The following CDH4 variants were observed in gnomAD, a reference collection of about 807,000 sequenced individuals.
The protein encoded by CDH4 is cadherin-4.
In CDH4, 33 loss-of-function variants were observed where a neutral mutation model predicts 86.0. The observed-to-expected ratio is 0.38, with a 90% CI of 0.29 to 0.51. The LOEUF (loss-of-function observed/expected upper bound fraction) is 0.51, where lower values mean the gene tolerates loss of function less well. Among genes scored for constraint, CDH4 ranks in the 20% least tolerant of loss-of-function variants. The pLI, the probability that CDH4 is intolerant of heterozygous loss-of-function variation, is 0.86. For synonymous variants in CDH4, 555 were observed against 549.4 expected (o/e 1.01, Z -0.14); for missense variants, 1,114 against 1,307.4 (o/e 0.85, Z 2.28).
chr20:61,587,623 T>A (rs886325381), intron 2 of CDH4, among the ~76,000 whole-genome samples: 4 of 151,978 alleles, frequency 2.6e-5, no homozygotes, highest in Non-Finnish European at 5.9e-5. Flanking sequence ...GCTGACCCCA[T>A]AACCAGCTGG....
At chr20:61,473,496 T>C (rs2085517643) in intron 2 of CDH4, among the ~76,000 whole-genome samples, 1 of 152,174 alleles carries the variant, frequency 6.6e-6, no homozygotes, top group Non-Finnish European at 1.5e-5. Context: ...AGCACATTGT[T>C]TTCTCCAATG....
chr20:61,573,737 C>A (rs2086362529), intron 2 of CDH4, among the ~76,000 whole-genome samples: 1 of 152,170 alleles, frequency 6.6e-6, no homozygotes, highest in Admixed American at 6.5e-5. Context: ...GGGCAACAGC[C>A]GATGTGCTCT....
chr20:61,760,735 C>T (rs553040879), intron 3 of CDH4, among the ~76,000 whole-genome samples: 76 of 152,336 alleles, frequency 5.0e-4, no homozygotes, highest in Middle Eastern at 3.4e-3. Context: ...TGTATTATTT[C>T]TATGGGAATT....
chr20:61,374,184 GCTCGCTGT>G (rs1304275228), intron 2 of CDH4, among the ~76,000 whole-genome samples: 1 of 152,226 alleles, frequency 6.6e-6, no homozygotes, highest in African/African-American at 2.4e-5. Flanking sequence ...TCCCTGAGGA[GCTCGCTGT>G]CTGAAAGGGG....
At chr20:61,364,122 G>A (rs1366418542) in intron 2 of CDH4, among the ~76,000 whole-genome samples, 3 of 152,142 alleles carry the variant, frequency 2.0e-5, no homozygotes, top group Non-Finnish European at 4.4e-5. Context: ...AAAAGGCCTG[G>A]CACCTTGTCC....
At chr20:61,537,611 T>C (rs2086006979) in intron 2 of CDH4, among the ~76,000 whole-genome samples, 1 of 152,178 alleles carries the variant, frequency 6.6e-6, no homozygotes, top group African/African-American at 2.4e-5. Flanking sequence ...CCAGGAGTGA[T>C]TTAGAAGCAG....
At chr20:61,298,781 G>A (rs948223814) in intron 2 of CDH4, among the ~76,000 whole-genome samples, 1 of 146,114 alleles carries the variant, frequency 6.8e-6, no homozygotes, top group East Asian at 2.0e-4. Context: ...GTTAAGCTGC[G>A]AAGGGGTCTG....
At chr20:61,405,178 C>A (rs1370451154) in intron 2 of CDH4, among the ~76,000 whole-genome samples, 2 of 151,958 alleles carry the variant, frequency 1.3e-5, no homozygotes, top group Non-Finnish European at 2.9e-5. Flanking sequence ...TCCTTTCGAC[C>A]CTGCCTCCCT....
At chr20:61,710,789 C>A (rs2087881754) in intron 2 of CDH4, among the ~76,000 whole-genome samples, 1 of 152,242 alleles carries the variant, frequency 6.6e-6, no homozygotes, top group Admixed American at 6.5e-5. Context: ...TCAACAAACA[C>A]TTTCTGAGGC....
chr20:61,655,972 GAC>G (rs1416885202), intron 2 of CDH4, among the ~76,000 whole-genome samples: 4 of 152,210 alleles, frequency 2.6e-5, no homozygotes, highest in Non-Finnish European at 4.4e-5. Flanking sequence ...GCTCGAGGGT[GAC>G]AGCTTCAGAT....
At chr20:61,254,108 C>T (rs1013867938) in intron 1 of CDH4, among the ~76,000 whole-genome samples, 3 of 152,202 alleles carry the variant, frequency 2.0e-5, no homozygotes, top group Non-Finnish European at 2.9e-5. Flanking sequence ...GAAAGGCGAG[C>T]GAGCTCCGGA....
chr20:61,343,240 A>G (rs2084658404), intron 2 of CDH4, among the ~76,000 whole-genome samples: 1 of 152,228 alleles, frequency 6.6e-6, no homozygotes. Flanking sequence ...CGTAATGTGG[A>G]TAAGTAGATG....
intron 2 of CDH4, among the ~76,000 whole-genome samples, chr20:61,629,282 C>T (rs973253507): frequency 5.3e-5 from 8 of 152,176 alleles, no homozygotes; most frequent in Admixed American, 2.0e-4. Context: ...CCGGAGCCCT[C>T]CAGGAAGCCT....
chr20:61,633,846 C>A (rs909711342), intron 2 of CDH4, among the ~76,000 whole-genome samples: 10 of 152,210 alleles, frequency 6.6e-5, no homozygotes, highest in South Asian at 2.1e-4. Flanking sequence ...ATCTCCCCCC[C>A]AGCTGTCCAT....
intron 2 of CDH4, among the ~76,000 whole-genome samples, chr20:61,661,214 G>A (rs7270897): frequency 5.3e-5 from 8 of 152,092 alleles, no homozygotes; most frequent in Non-Finnish European, 1.2e-4. Flanking sequence ...ACCGTCAGCC[G>A]GTGGTTCCGC....
rs138350263 is a variant in CDH4, at chr20:61,315,342, G to C, written c.169+60405G>C. Among the ~76,000 whole-genome samples the C allele has an allele frequency of 4.4e-3, 671 of 152,274 alleles. 8 individuals are homozygous for C. The highest frequency in any genetic ancestry group is 0.015 in the African/African-American group (642 of 41,556). On this transcript the variant is annotated intron_variant, in intron 2 of 15. Coordinates refer to ENST00000614565, the MANE Select transcript of CDH4 (RefSeq NM_001794.5). Reference sequence around the variant, plus strand: ...CTGGTATCCAAAAGGAGAGAAACTGGGGGACATTGAGCTTCCAGTGAGTGT... The same window carrying C: ...CTGGTATCCAAAAGGAGAGAAACTGCGGGACATTGAGCTTCCAGTGAGTGT...
chr20:61,719,529 A>G (rs140873023), intron 2 of CDH4: 1 of 211,604 alleles, frequency 4.7e-6, no homozygotes, highest in African/African-American at 2.3e-5. Context: ...ATTTCTCGGG[A>G]GTCTTTATCT....
At chr20:61,553,142 T>A (rs745437572) in intron 2 of CDH4, among the ~76,000 whole-genome samples, 2 of 152,196 alleles carry the variant, frequency 1.3e-5, no homozygotes, top group Non-Finnish European at 2.9e-5. Flanking sequence ...ACAACATAGA[T>A]AAGCATTGGA....
At chr20:61,514,306 G>GCCCCCCCCCCCCC (rs1215793319) in intron 2 of CDH4, among the ~76,000 whole-genome samples, 4 of 125,816 alleles carry the variant, frequency 3.2e-5, no homozygotes, top group African/African-American at 1.3e-4. Flanking sequence ...GCCTCAGTCC[G>GCCCCCCCCCCCCC]CCCCCCCCGC....
Sources: gnomAD v4.1 joint callset for allele counts (sites outside exome capture counted in the v4.1 genomes callset) on GRCh38, gnomAD v4.1.1 for gene constraint, MANE v1.5 for transcripts, NCBI Gene and HGNC (gene_info 2026-07-23, HGNC 2026-07-21) for gene names.